RBFOX2: variants seen among roughly 807,000 people sequenced by gnomAD.
The protein encoded by RBFOX2 is RNA binding protein fox-1 homolog 2.
In RBFOX2, 10 loss-of-function variants were observed where a neutral mutation model predicts 49.1. The ratio of observed to expected loss-of-function variants is 0.20; its 90% CI spans 0.13 to 0.35. RBFOX2 has a LOEUF of 0.35. Ranked by LOEUF, RBFOX2 falls within the 10% of genes least tolerant of loss-of-function variation. The pLI is 1.00. For missense variants in RBFOX2, 323 were observed against 486.9 expected, an observed-to-expected ratio of 0.66 and a Z score of 3.17; for synonymous variants, 183 against 187.4, an observed-to-expected ratio of 0.98 and a Z score of 0.19.
At chr22:35,781,068 T>C (rs1379870040) in intron 3 of RBFOX2, among the ~76,000 whole-genome samples, 2 of 152,292 alleles carry the variant, frequency 1.3e-5, no homozygotes, top group East Asian at 1.9e-4. Context: ...CCCAAACTTA[T>C]GTGCACATTA....
At chr22:35,868,733 A>G (rs2043987601) in intron 1 of RBFOX2, among the ~76,000 whole-genome samples, 1 of 152,230 alleles carries the variant, frequency 6.6e-6, no homozygotes, top group African/African-American at 2.4e-5. Flanking sequence ...AAAATGTTGT[A>G]AATACGTACA....
In RBFOX2 at chr22:35,897,349, T is replaced by C. The variant is rs1257048955; in HGVS notation, c.-34+41498A>G. ...GTGTGATGAAGCCGCAGCACCTCAA[T>C]GGCCTTGAGTTCCAGTGGTGTTGCC... On this transcript the variant is annotated intron_variant, in intron 1 of 13. Coordinates refer to the RBFOX2 transcript ENST00000359369. 10 of 1,306,532 alleles carry C rather than the reference T, an allele frequency of 7.7e-6. No homozygotes were observed. The African/African-American group carries it at 1.5e-4, about 19-fold the overall frequency. 80.9% of individuals were successfully genotyped at this position (1,306,532 alleles called of 1,614,324 possible). A position where few individuals can be genotyped will look rare whatever the true frequency, so the allele number is the denominator to read the frequency against.
chr22:35,894,185 A>C (rs2047569423), intron 1 of RBFOX2, among the ~76,000 whole-genome samples: 1 of 152,158 alleles, frequency 6.6e-6, no homozygotes, highest in Non-Finnish European at 1.5e-5. Flanking sequence ...CATTCCTGGC[A>C]AATATAAAAT....
chr22:36,000,003 A>ATT (rs200510007), intron 1 of RBFOX2: 24 of 89,716 alleles, frequency 2.7e-4, no homozygotes, highest in South Asian at 1.3e-3. Flanking sequence ...ATATATATAT[A>ATT]TATTTTTTTT....
At chr22:35,878,152 T>C (rs766585785) in intron 1 of RBFOX2, among the ~76,000 whole-genome samples, 3 of 151,820 alleles carry the variant, frequency 2.0e-5, no homozygotes, top group Non-Finnish European at 4.4e-5. Context: ...ATCCCAGCAC[T>C]GTGGGAGGCC....
chr22:36,019,649 T>C (rs921979146), intron 1 of RBFOX2, among the ~76,000 whole-genome samples: 7 of 152,174 alleles, frequency 4.6e-5, no homozygotes, highest in Admixed American at 3.9e-4. Context: ...AGGATTCAAA[T>C]CCCAAAATGA....
chr22:35,768,944 T>C (rs1001033965), intron 4 of RBFOX2, among the ~76,000 whole-genome samples: 4 of 152,224 alleles, frequency 2.6e-5, no homozygotes, highest in Non-Finnish European at 5.9e-5. Context: ...ATAGTCGGTG[T>C]ACAATTTTCT....
chr22:35,769,230 C>A (rs923360937), intron 4 of RBFOX2, among the ~76,000 whole-genome samples: 4 of 152,122 alleles, frequency 2.6e-5, no homozygotes, highest in Non-Finnish European at 5.9e-5. Context: ...GGAATGAGAT[C>A]TACATTAGTG....
rs117443427 is a variant in RBFOX2, at chr22:35,937,037, A to G, written c.-34+1810T>C. Among the ~76,000 whole-genome samples the G allele has an allele frequency of 3.5e-4, 54 of 152,358 alleles. No homozygotes were observed. In the East Asian group the frequency reaches 8.9e-3, roughly 25 times the overall value. The stretch of plus-strand genomic sequence containing the variant: ...TTATTACATGTCCTAAGTGAAAAGT[A>G]CAGGATGAAACAGAAACTGTCACTG... On this transcript the variant is annotated intron_variant, in intron 1 of 13. Transcript: ENST00000359369.
intron 4 of RBFOX2, among the ~76,000 whole-genome samples, chr22:35,777,451 G>A (rs1297464745): frequency 1.3e-5 from 2 of 152,074 alleles, no homozygotes; most frequent in African/African-American, 4.8e-5. Flanking sequence ...TGTGATTTAG[G>A]TGACTCTACA....
intron 1 of RBFOX2, chr22:35,897,977 C>G: frequency 1.3e-6 from 1 of 772,552 alleles, no homozygotes. Flanking sequence ...ACAAAAACAT[C>G]CTCAAAATCA....
chr22:35,886,170 T>G (rs2046554504), intron 1 of RBFOX2, among the ~76,000 whole-genome samples: 2 of 152,128 alleles, frequency 1.3e-5, no homozygotes, highest in Admixed American at 1.3e-4. Flanking sequence ...CACAATATTT[T>G]AGTTGAACAC....
chr22:35,882,109 G>A (rs1303868982), intron 1 of RBFOX2, among the ~76,000 whole-genome samples: 1 of 152,134 alleles, frequency 6.6e-6, no homozygotes, highest in Non-Finnish European at 1.5e-5. Flanking sequence ...GAGAGTGGAT[G>A]AAAGAGAATC....
At chr22:35,800,987 T>C (rs931500681) in intron 2 of RBFOX2, among the ~76,000 whole-genome samples, 1 of 152,138 alleles carries the variant, frequency 6.6e-6, no homozygotes, top group Admixed American at 6.5e-5. Context: ...AGATACTAAG[T>C]GCTTGCTAAG....
intron 1 of RBFOX2, among the ~76,000 whole-genome samples, chr22:35,886,432 T>C (rs1032611327): frequency 6.6e-6 from 1 of 152,234 alleles, no homozygotes; most frequent in Non-Finnish European, 1.5e-5. Flanking sequence ...AATATAGTCA[T>C]GTGCTGCTTA....
At chr22:35,926,286 C>T (rs2051630625) in intron 1 of RBFOX2, among the ~76,000 whole-genome samples, 1 of 152,156 alleles carries the variant, frequency 6.6e-6, no homozygotes, top group Non-Finnish European at 1.5e-5. Flanking sequence ...CAAGAATATC[C>T]CTACTAACTA....
chr22:36,015,331 C>T (rs1224846626), intron 1 of RBFOX2, among the ~76,000 whole-genome samples: 3 of 152,212 alleles, frequency 2.0e-5, no homozygotes, highest in African/African-American at 7.2e-5. Flanking sequence ...CAGTACTCTG[C>T]ATTCTTTTAA....
At chr22:35,888,827 G>C (rs2046908655) in intron 1 of RBFOX2, among the ~76,000 whole-genome samples, 1 of 152,078 alleles carries the variant, frequency 6.6e-6, no homozygotes, top group African/African-American at 2.4e-5. Context: ...TCCTCCTTAA[G>C]AATAAGGTCT....
At chr22:35,805,062 C>T (rs991763916) in intron 2 of RBFOX2, among the ~76,000 whole-genome samples, 4 of 151,704 alleles carry the variant, frequency 2.6e-5, no homozygotes, top group East Asian at 3.9e-4. Flanking sequence ...CCGAGGCGGG[C>T]GGATCACGAG....
Sources: gnomAD v4.1 joint callset for allele counts (sites outside exome capture counted in the v4.1 genomes callset) on GRCh38, gnomAD v4.1.1 for gene constraint, MANE v1.5 for transcripts, NCBI Gene and HGNC (gene_info 2026-07-23, HGNC 2026-07-21) for gene names.